ANKRD13C: variants seen among roughly 807,000 people sequenced by gnomAD.
The protein encoded by ANKRD13C is ankyrin repeat domain-containing protein 13C.
In ANKRD13C, 16 loss-of-function variants were observed where a neutral mutation model predicts 65.5. The observed-to-expected ratio is 0.24, with a 90% CI of 0.17 to 0.37. The LOEUF (loss-of-function observed/expected upper bound fraction) is 0.37. Among genes scored for constraint, ANKRD13C ranks in the 10% least tolerant of loss-of-function variants. The pLI is 1.00. For missense variants in ANKRD13C, 503 were observed against 655.9 expected (o/e 0.77, Z 2.55); for synonymous variants, 235 against 238.7 (o/e 0.98, Z 0.14).
chr1:70,341,223 T>C (rs1315022104), intron 1 of ANKRD13C, among the ~76,000 whole-genome samples: 1 of 152,212 alleles, frequency 6.6e-6, no homozygotes, highest in Non-Finnish European at 1.5e-5. Flanking sequence ...CCTGATGTTT[T>C]AGATATGTCT....
At chr1:70,339,176 C>T (rs1175621559) in intron 1 of ANKRD13C, among the ~76,000 whole-genome samples, 2 of 149,642 alleles carry the variant, frequency 1.3e-5, no homozygotes, top group Non-Finnish European at 3.0e-5. Context: ...CGGCATTGCA[C>T]TCCAGCCTAG....
chr1:70,349,588 T>C (rs780207570), intron 1 of ANKRD13C, among the ~76,000 whole-genome samples: 2 of 152,102 alleles, frequency 1.3e-5, no homozygotes, highest in Non-Finnish European at 2.9e-5. Flanking sequence ...AGTCAGTAAC[T>C]TGCAAATGCA....
At chr1:70,283,729 A>T (rs932547926) in intron 9 of ANKRD13C, among the ~76,000 whole-genome samples, 2 of 152,060 alleles carry the variant, frequency 1.3e-5, no homozygotes, top group African/African-American at 4.8e-5. Context: ...AATTGCTTGG[A>T]GCCGGGAGAC....
intron 8 of ANKRD13C, among the ~76,000 whole-genome samples, chr1:70,294,338 T>C (rs113816546): frequency 2.0e-5 from 3 of 152,348 alleles, no homozygotes; most frequent in African/African-American, 4.8e-5. Context: ...TTTAGCTTTA[T>C]GTATAAAGTT....
At position 70,262,764 on chromosome 1, in the gene ANKRD13C, T is replaced by G; in HGVS notation, c.1579A>C (p.Ile527Leu). ...YDEFDGSIFT[I>L]PDDYKEDPSR... ...GGGTCTTCCTTGTAGTCATCAGGTATAGTAAAGATGGAGCCATCAAATTCA... is the reference window on the plus strand; with the variant it reads ...GGGTCTTCCTTGTAGTCATCAGGTAGAGTAAAGATGGAGCCATCAAATTCA... Residue 527 changes from isoleucine to leucine, a missense_variant, in exon 13 of 13, where the codon ATA becomes CTA. Transcript: ENST00000370944. The G allele has an allele frequency of 6.2e-7, 1 of 1,613,596 alleles. No homozygotes were observed. Among genetic ancestry groups the G allele is most frequent in the Non-Finnish European group, 8.5e-7 (1 of 1,179,706 alleles).
chr1:70,295,317 G>A (rs913979979), intron 8 of ANKRD13C, among the ~76,000 whole-genome samples: 4 of 151,226 alleles, frequency 2.6e-5, no homozygotes, highest in Admixed American at 6.6e-5. Context: ...GTGCCATCTC[G>A]GCTCACTGTA....
At position 70,354,330 on chromosome 1, in the gene ANKRD13C, C is replaced by A; in HGVS notation, c.79G>T (p.Asp27Tyr). ...KEEGDLLEPG[D>Y]EEAAAALGGT... The stretch of plus-strand genomic sequence containing the variant: ...CCGAGGGCAGCCGCCGCTTCCTCAT[C>A]CCCGGGCTCCAGCAGGTCCCCTTCT... Residue 27 changes from aspartate to tyrosine, a missense_variant, in exon 1 of 13, where the codon GAT (aspartate) becomes TAT (tyrosine). Asp to Tyr is a radical substitution (Grantham distance 160). Around this residue, in one of 2 missense-constraint regions of ANKRD13C, gnomAD observed 203 missense variants for 177.6 expected, o/e 1.14. Transcript: ENST00000370944. 6.2e-7 allele frequency: 1 copy of A among 1,614,070 alleles called. No individual in the cohort carries two copies. The highest frequency in any genetic ancestry group is 2.2e-5 in the East Asian group (1 of 44,858).
At chr1:70,303,006 G>A (rs1361065861) in intron 6 of ANKRD13C, among the ~76,000 whole-genome samples, 1 of 152,108 alleles carries the variant, frequency 6.6e-6, no homozygotes, top group Non-Finnish European at 1.5e-5. Context: ...GGTGAGTAAA[G>A]AGATGCACAG....
At chr1:70,339,669 G>GT (rs1682216036) in intron 1 of ANKRD13C, among the ~76,000 whole-genome samples, 1 of 151,586 alleles carries the variant, frequency 6.6e-6, no homozygotes, top group Admixed American at 6.6e-5. Context: ...TTCTAGCATT[G>GT]TTTATCTCTT....
chr1:70,325,674 C>T (rs1375218774), intron 2 of ANKRD13C, among the ~76,000 whole-genome samples: 5 of 151,452 alleles, frequency 3.3e-5, no homozygotes, highest in East Asian at 2.0e-4. Flanking sequence ...GTCAGGAGAT[C>T]GAGACCATCC....
At chr1:70,341,283 T>C (rs1289389673) in intron 1 of ANKRD13C, among the ~76,000 whole-genome samples, 2 of 152,064 alleles carry the variant, frequency 1.3e-5, no homozygotes, top group East Asian at 3.9e-4. Flanking sequence ...ACAATATTTG[T>C]CTTTTTAACT....
chr1:70,297,387 G>A (rs1329560217), intron 7 of ANKRD13C, among the ~76,000 whole-genome samples: 4 of 142,750 alleles, frequency 2.8e-5, no homozygotes, highest in Non-Finnish European at 4.5e-5. Flanking sequence ...TCCTCCTCCC[G>A]GGTTCACACC....
intron 1 of ANKRD13C, among the ~76,000 whole-genome samples, chr1:70,344,518 G>T (rs1468687786): frequency 6.6e-6 from 1 of 151,780 alleles, no homozygotes; most frequent in African/African-American, 2.4e-5. Context: ...CATTTAATGG[G>T]TATCTATTAA....
At chr1:70,325,804 G>T (rs563215159) in intron 2 of ANKRD13C, among the ~76,000 whole-genome samples, 3 of 152,200 alleles carry the variant, frequency 2.0e-5, no homozygotes, top group East Asian at 1.9e-4. Context: ...GCTTGAACCC[G>T]GGAGGCAGAG....
At chr1:70,310,827 G>GT (rs1680817425) in intron 5 of ANKRD13C, among the ~76,000 whole-genome samples, 1 of 152,140 alleles carries the variant, frequency 6.6e-6, no homozygotes, top group Non-Finnish European at 1.5e-5. Flanking sequence ...AAAAAATGGG[G>GT]TAAAAAAGAC....
At chr1:70,322,374 G>A (rs1375616727) in intron 3 of ANKRD13C, among the ~76,000 whole-genome samples, 1 of 152,004 alleles carries the variant, frequency 6.6e-6, no homozygotes, top group African/African-American at 2.4e-5. Context: ...TCATGTGATG[G>A]AAAGTAATGA....
intron 5 of ANKRD13C, among the ~76,000 whole-genome samples, 167 bp from the exon 6 acceptor site, chr1:70,306,457 G>T (rs1288813797): frequency 6.6e-6 from 1 of 151,902 alleles, no homozygotes; most frequent in Admixed American, 6.6e-5. Flanking sequence ...AGGCAATTTT[G>T]AGCAACTTCA....
chr1:70,291,589 G>C (rs1013388357), intron 9 of ANKRD13C, among the ~76,000 whole-genome samples: 1 of 152,112 alleles, frequency 6.6e-6, no homozygotes, highest in Admixed American at 6.6e-5. Flanking sequence ...ATGGGAAGGT[G>C]TAAGTCAGAG....
At chr1:70,353,712 T>C (rs1682855305) in intron 1 of ANKRD13C, among the ~76,000 whole-genome samples, 1 of 152,174 alleles carries the variant, frequency 6.6e-6, no homozygotes, top group Non-Finnish European at 1.5e-5. Flanking sequence ...CAGTCCAGAA[T>C]CAGCAAATCG....
Sources: allele counts gnomAD v4.1 joint callset (sites outside exome capture counted in the v4.1 genomes callset), GRCh38; gene constraint gnomAD v4.1.1; regional missense constraint gnomAD v4.1.1; transcripts MANE v1.5; gene names NCBI Gene and HGNC (gene_info 2026-07-23, HGNC 2026-07-21).